Variants in LGSN observed in about 807,000 individuals in gnomAD.
The protein encoded by LGSN is lengsin, lens protein with glutamine synthetase domain.
In LGSN, 21 loss-of-function variants were observed where a neutral mutation model predicts 19.5. The observed-to-expected ratio is 1.07, with a 90% confidence interval of 0.76 to 1.55. LGSN has a LOEUF of 1.55. Ranked by LOEUF, LGSN falls within the 40% of genes most tolerant of loss-of-function variation. LGSN has a pLI of 0.00. For missense variants in LGSN, 673 were observed against 608.5 expected, an observed-to-expected ratio of 1.11 and a Z score of -1.12; for synonymous variants, 257 against 215.6, an observed-to-expected ratio of 1.19 and a Z score of -1.68.
At chr6:63,337,579 A>T in the LGSN span, among the ~76,000 whole-genome samples, 9 of 152,018 alleles carry the variant, frequency 5.9e-5, no homozygotes, top group Non-Finnish European at 1.3e-4. Context: ...AGGCAGGTAG[A>T]TCACTTGAGC....
chr6:63,345,257 A>G, the LGSN span, among the ~76,000 whole-genome samples: 1 of 152,146 alleles, frequency 6.6e-6, no homozygotes, highest in African/African-American at 2.4e-5. Context: ...AGATTTTAGT[A>G]AGGTGGTTTC....
the LGSN span, among the ~76,000 whole-genome samples, chr6:63,519,487 A>G: frequency 6.6e-6 from 1 of 152,108 alleles, no homozygotes; most frequent in Admixed American, 6.5e-5. Context: ...TTACCAGGTG[A>G]GGGAAATACT....
At chr6:63,421,278 C>T in the LGSN span, among the ~76,000 whole-genome samples, 48 of 152,064 alleles carry the variant, frequency 3.2e-4, no homozygotes, top group African/African-American at 1.1e-3. Flanking sequence ...AAAAATTAGC[C>T]AGGCGTGATG....
chr6:63,429,597 G>A, the LGSN span, among the ~76,000 whole-genome samples: 1 of 152,068 alleles, frequency 6.6e-6, no homozygotes, highest in African/African-American at 2.4e-5. Context: ...TTAGCCGAGT[G>A]TGGTCGCGGG....
At chr6:63,437,683 A>T in the LGSN span, among the ~76,000 whole-genome samples, 1 of 152,206 alleles carries the variant, frequency 6.6e-6, no homozygotes, top group Non-Finnish European at 1.5e-5. Flanking sequence ...CTGTAATCCC[A>T]GCACTTTGGG....
chr6:63,436,344 C>T, the LGSN span, among the ~76,000 whole-genome samples: 1 of 152,166 alleles, frequency 6.6e-6, no homozygotes, highest in Non-Finnish European at 1.5e-5. Flanking sequence ...TCAGGTGATC[C>T]ACCCACCTCA....
the LGSN span, among the ~76,000 whole-genome samples, chr6:63,502,963 C>T: frequency 2.0e-5 from 3 of 152,144 alleles, no homozygotes; most frequent in Non-Finnish European, 4.4e-5. Context: ...ATTAATCAAT[C>T]GATGTCAGAT....
At chr6:63,358,893 A>G in the LGSN span, among the ~76,000 whole-genome samples, 1 of 152,024 alleles carries the variant, frequency 6.6e-6, no homozygotes, top group Non-Finnish European at 1.5e-5. Context: ...GTGAGAGAGG[A>G]CATTCCCGTC....
chr6:63,462,048 C>G, the LGSN span, among the ~76,000 whole-genome samples: 256 of 152,260 alleles, frequency 1.7e-3, 1 homozygote, highest in African/African-American at 5.7e-3. Flanking sequence ...TCCTTCGTTT[C>G]TTCTGCAAGC....
the LGSN span, among the ~76,000 whole-genome samples, chr6:63,459,599 A>C: frequency 6.6e-6 from 1 of 151,526 alleles, no homozygotes; most frequent in Non-Finnish European, 1.5e-5. Flanking sequence ...GATGAAGTCT[A>C]TATGTATATT....
chr6:63,351,690 T>C, the LGSN span, among the ~76,000 whole-genome samples: 5,551 of 152,188 alleles, frequency 0.036, 346 homozygotes, highest in African/African-American at 0.13. Context: ...ATTCCTAGCC[T>C]CAAGTGAACC....
At chr6:63,318,791 T>C (rs1031536934) in intron 1 of LGSN, among the ~76,000 whole-genome samples, 2 of 152,182 alleles carry the variant, frequency 1.3e-5, no homozygotes, top group African/African-American at 4.8e-5. Flanking sequence ...AGTTCTGCCA[T>C]GGGATCAGAA....
intron 1 of LGSN, among the ~76,000 whole-genome samples, chr6:63,316,386 C>T (rs548696806): frequency 1.8e-4 from 28 of 152,228 alleles, no homozygotes; most frequent in African/African-American, 6.5e-4. Flanking sequence ...CAAATCTCAC[C>T]TCTGTGGGCA....
At chr6:63,421,211 C>CAGG in the LGSN span, among the ~76,000 whole-genome samples, 6 of 145,738 alleles carry the variant, frequency 4.1e-5, no homozygotes, top group Non-Finnish European at 6.0e-5. Context: ...CACTTGAAGT[C>CAGG]AGGAGTTCAA....
the LGSN span, among the ~76,000 whole-genome samples, chr6:63,567,597 T>A: frequency 1.3e-5 from 2 of 152,230 alleles, no homozygotes; most frequent in Non-Finnish European, 2.9e-5. Flanking sequence ...AGATTTAGCA[T>A]AATTTTTAAG....
At chr6:63,447,619 A>G in the LGSN span, among the ~76,000 whole-genome samples, 1 of 152,240 alleles carries the variant, frequency 6.6e-6, no homozygotes, top group Admixed American at 6.5e-5. Context: ...CTGTTAATCT[A>G]TCCTAATGAC....
intron 1 of LGSN, among the ~76,000 whole-genome samples, chr6:63,303,159 T>C (rs538292373): frequency 1.3e-3 from 193 of 152,266 alleles, no homozygotes; most frequent in Non-Finnish European, 2.1e-3. Context: ...TTTTGCTTTG[T>C]CAAATCCATA....
the LGSN span, among the ~76,000 whole-genome samples, chr6:63,448,948 T>C: frequency 6.6e-6 from 1 of 152,204 alleles, no homozygotes; most frequent in Non-Finnish European, 1.5e-5. Flanking sequence ...AAGTACAGTA[T>C]AACAACTATT....
chr6:63,567,900 T>C, the LGSN span, among the ~76,000 whole-genome samples: 1 of 152,226 alleles, frequency 6.6e-6, no homozygotes, highest in East Asian at 1.9e-4. Context: ...CATTTTTATG[T>C]TAGGGAGAGG....
Sources: allele counts gnomAD v4.1 joint callset (sites outside exome capture counted in the v4.1 genomes callset), GRCh38; gene constraint gnomAD v4.1.1; transcripts MANE v1.5; gene names NCBI Gene and HGNC (gene_info 2026-07-23, HGNC 2026-07-21).